The following MYOCD variants were observed in gnomAD, a reference collection of about 807,000 sequenced individuals.
MYOCD encodes myocardin.
MYOCD carries 32 observed loss-of-function variants against 96.1 expected under a neutral mutation model. The ratio of observed to expected loss-of-function variants is 0.33; its 90% confidence interval spans 0.25 to 0.45. MYOCD has a LOEUF of 0.45. MYOCD is among the 20% of genes least tolerant of loss of function. The pLI is 1.00. For synonymous variants in MYOCD, 469 were observed against 469.0 expected (o/e 1.00, Z 0.00); for missense variants, 1,133 against 1,200.6 (o/e 0.94, Z 0.83).
rs368085333 is a variant in MYOCD at position 12,767,655 on chromosome 17, G to A, written c.*4011G>A. 7.2e-5 allele frequency: 11 copies of A among 152,184 alleles called. No individual in the cohort carries two copies. Among genetic ancestry groups the A allele is most frequent in the African/African-American group, 2.4e-4 (10 of 41,542 alleles). 9.4% of individuals were successfully genotyped at this position (152,184 alleles called of 1,614,324 possible). A position where few individuals can be genotyped will look rare whatever the true frequency, so the allele number is the denominator to read the frequency against. On this transcript the variant is annotated 3_prime_UTR_variant, in exon 14 of 14. Coordinates refer to ENST00000425538, the MANE Select transcript of MYOCD (RefSeq NM_001146312.3). ...ATTTTTCCAAGAGGGGGTGGAGGTG[G>A]GGATCACTTTTTAGCTAAAAGCTAT...
chr17:12,739,239 T>C lies in MYOCD; in HGVS notation c.628T>C (p.Ser210Pro), dbSNP rs770468393. Residue 210 changes from serine (S) to proline (P), a missense_variant, in exon 7 of 14, where the codon TCA becomes CCA. Transcript: ENST00000425538. ...ASGSENDRND[S>P]ASQPSHQSDA... ...TGGCTCAGAAAATGACAGAAATGACTCAGCCTCACAGCCCAGCCACCAGTC... is the reference window on the plus strand; with the variant it reads ...TGGCTCAGAAAATGACAGAAATGACCCAGCCTCACAGCCCAGCCACCAGTC... The C allele has an allele frequency of 2.5e-6, 4 of 1,610,512 alleles. No individual in the cohort carries two copies. In the Admixed American group the frequency reaches 6.8e-5, roughly 27 times the overall value.
chr17:12,760,062 G>A (rs1222110714), intron 12 of MYOCD: 2 of 153,514 alleles, frequency 1.3e-5, no homozygotes, highest in African/African-American at 2.4e-5. Flanking sequence ...GTTCATAGCA[G>A]CATTATTCAC....
intron 1 of MYOCD, among the ~76,000 whole-genome samples, chr17:12,675,536 A>G (rs985064775): frequency 1.3e-5 from 2 of 152,258 alleles, no homozygotes; most frequent in Non-Finnish European, 2.9e-5. Context: ...TTATAAAACA[A>G]TCCGGCAACA....
At chr17:12,761,825 A>T (rs1389663163) in intron 13 of MYOCD, 1 of 152,126 alleles carries the variant, frequency 6.6e-6, no homozygotes, top group Admixed American at 6.6e-5. Context: ...GGGTTTCACC[A>T]TGTTGGCCAG....
At chr17:12,714,361 A>ACACACACACACACC (rs149778201) in intron 2 of MYOCD, among the ~76,000 whole-genome samples, 105 of 148,362 alleles carry the variant, frequency 7.1e-4, no homozygotes, top group East Asian at 1.6e-3. Flanking sequence ...ACACACACAC[A>ACACACACACACACC]CCCCGATCTG....
intron 10 of MYOCD, among the ~76,000 whole-genome samples, chr17:12,754,250 G>A (rs1164178529): frequency 2.0e-5 from 3 of 152,032 alleles, no homozygotes; most frequent in African/African-American, 4.8e-5. Context: ...GACTACAGGC[G>A]CACACCACCA....
chr17:12,732,671 A>G (rs1402956965), intron 5 of MYOCD, among the ~76,000 whole-genome samples: 1 of 152,138 alleles, frequency 6.6e-6, no homozygotes, highest in Non-Finnish European at 1.5e-5. Flanking sequence ...ACAATTTAGG[A>G]ATGCTCCGTC....
rs1359919857 is a variant in MYOCD, at chr17:12,761,665, C to G, written c.2389+958C>G. ...TTTGAGACGGAGTCTCACTCTGTCGCCAGGCTGGAGTGCAGTGGCGGGATC... is the reference window on the plus strand; with the variant it reads ...TTTGAGACGGAGTCTCACTCTGTCGGCAGGCTGGAGTGCAGTGGCGGGATC... On this transcript the variant is annotated intron_variant, in intron 13 of 13. Coordinates refer to ENST00000425538, the MANE Select transcript of MYOCD (RefSeq NM_001146312.3). The G allele has an allele frequency of 2.6e-5, 4 of 152,994 alleles. No individual in the cohort carries two copies. The East Asian group carries it at 7.7e-4, about 29-fold the overall frequency. The allele number at this position is 152,994 out of a possible 1,614,324, so 9.5% of individuals were successfully genotyped here.
chr17:12,688,664 T>C (rs942015929), intron 1 of MYOCD, among the ~76,000 whole-genome samples: 1 of 148,180 alleles, frequency 6.7e-6, no homozygotes, highest in Non-Finnish European at 1.5e-5. Flanking sequence ...TTCCATCCCC[T>C]TCATTCATTC....
chr17:12,750,302 T>A (rs923930480), intron 9 of MYOCD, among the ~76,000 whole-genome samples: 1 of 152,172 alleles, frequency 6.6e-6, no homozygotes, highest in Non-Finnish European at 1.5e-5. Flanking sequence ...GGCCCAAGAT[T>A]CTGCATTTCC....
intron 4 of MYOCD, 44 bp downstream of exon 4, chr17:12,717,465 G>A (rs749588446): frequency 7.3e-6 from 11 of 1,496,944 alleles, no homozygotes; most frequent in Admixed American, 6.8e-5. Context: ...CTGCAGAATG[G>A]TGGGCCATTT....
chr17:12,755,043 AT>A (rs943914679), intron 10 of MYOCD, among the ~76,000 whole-genome samples: 1 of 152,204 alleles, frequency 6.6e-6, no homozygotes, highest in Non-Finnish European at 1.5e-5. Flanking sequence ...ACGAGAAGTA[AT>A]TTTTACAAAC....
At chr17:12,715,445 C>A in intron 2 of MYOCD, 74 bp from the exon 3 acceptor site, 1 of 1,327,004 alleles carries the variant, frequency 7.5e-7, no homozygotes, top group Admixed American at 1.8e-5. Context: ...TCAGCAAGCA[C>A]ACCAGCAAAC....
At chr17:12,749,709 G>GTATATATATACATATATGTA (rs779103102) in intron 9 of MYOCD, among the ~76,000 whole-genome samples, 50,082 of 138,560 alleles carry the variant, frequency 0.36, 9,603 homozygotes, top group East Asian at 0.49. Context: ...ATACATATGT[G>GTATATATATACATATATGTA]TATATATATG....
chr17:12,740,245 G>A (rs574227778), intron 7 of MYOCD, among the ~76,000 whole-genome samples: 41 of 152,208 alleles, frequency 2.7e-4, no homozygotes, highest in African/African-American at 9.1e-4. Context: ...CTTTAGTGGC[G>A]ATTTCGGAGA....
chr17:12,694,039 A>G (rs1414545718), intron 1 of MYOCD, among the ~76,000 whole-genome samples: 1 of 152,202 alleles, frequency 6.6e-6, no homozygotes, highest in African/African-American at 2.4e-5. Flanking sequence ...GGTCCCCAAA[A>G]AGGTGAATGA....
chr17:12,729,910 G>C (rs2032117014), intron 5 of MYOCD, among the ~76,000 whole-genome samples: 1 of 152,120 alleles, frequency 6.6e-6, no homozygotes, highest in South Asian at 2.1e-4. Context: ...TTCCTGACTT[G>C]TGTGGCCCTA....
intron 7 of MYOCD, 95 bp downstream of exon 7, chr17:12,739,423 G>T: frequency 7.1e-7 from 1 of 1,403,772 alleles, no homozygotes; most frequent in South Asian, 1.6e-5. Context: ...ACAACACGAG[G>T]AGAGTTACAC....
At chr17:12,708,479 C>G (rs1331241233) in intron 2 of MYOCD, among the ~76,000 whole-genome samples, 1 of 151,934 alleles carries the variant, frequency 6.6e-6, no homozygotes, top group Non-Finnish European at 1.5e-5. Context: ...CTGCAACCTC[C>G]GTCTCCCAGG....
Sources: allele counts gnomAD v4.1 joint callset (sites outside exome capture counted in the v4.1 genomes callset), GRCh38; gene constraint gnomAD v4.1.1; transcripts MANE v1.5; gene names NCBI Gene and HGNC (gene_info 2026-07-23, HGNC 2026-07-21).